Variants in KCNK2 observed in about 807,000 individuals in gnomAD.
KCNK2 encodes the protein potassium channel subfamily K member 2.
A neutral mutation model predicts 40.5 loss-of-function variants in KCNK2; 21 were observed. The observed-to-expected ratio is 0.52, with a 90% CI of 0.37 to 0.75. The LOEUF is 0.75. KCNK2 is among the 30% of genes least tolerant of loss of function. KCNK2 has a pLI of 0.00. For missense variants in KCNK2, 399 were observed against 531.6 expected, an observed-to-expected ratio of 0.75 and a Z score of 2.45; for synonymous variants, 191 against 202.2, an observed-to-expected ratio of 0.94 and a Z score of 0.47.
chr1:215,022,794 C>A (rs1656852657), intron 1 of KCNK2, among the ~76,000 whole-genome samples: 1 of 152,098 alleles, frequency 6.6e-6, no homozygotes, highest in South Asian at 2.1e-4. Context: ...CCCAGCTAAT[C>A]TTTATCTTGT....
At chr1:215,196,716 G>GGA (rs1291786727) in intron 6 of KCNK2, among the ~76,000 whole-genome samples, 1 of 151,558 alleles carries the variant, frequency 6.6e-6, no homozygotes, top group Non-Finnish European at 1.5e-5. Flanking sequence ...GTGGGAGATG[G>GGA]GAGAGAGAGA....
intron 1 of KCNK2, among the ~76,000 whole-genome samples, chr1:215,040,284 T>C (rs999709589): frequency 4.5e-4 from 69 of 152,282 alleles, no homozygotes; most frequent in African/African-American, 1.6e-3. Flanking sequence ...TTCTTAAATG[T>C]GTCCATAAGA....
At chr1:215,116,940 A>G (rs1057358423) in intron 2 of KCNK2, among the ~76,000 whole-genome samples, 3 of 152,016 alleles carry the variant, frequency 2.0e-5, no homozygotes, top group African/African-American at 7.2e-5. Flanking sequence ...TAAAATATGC[A>G]AAGTACTACT....
At chr1:215,082,600 G>C (rs1571890919), upstream of KCNK2, among the ~76,000 whole-genome samples, 2 of 152,212 alleles carry the variant, frequency 1.3e-5, no homozygotes, top group East Asian at 3.9e-4. Flanking sequence ...GAAGAGGGAA[G>C]AGAGGATCTT....
chr1:215,008,630 G>T (rs1451879113), intron 1 of KCNK2, among the ~76,000 whole-genome samples: 1 of 152,124 alleles, frequency 6.6e-6, no homozygotes, highest in Admixed American at 6.6e-5. Flanking sequence ...TTGGTAGATA[G>T]TAAGCATGCG....
At chr1:215,098,339 C>G (rs1660070277) in intron 2 of KCNK2, among the ~76,000 whole-genome samples, 1 of 151,868 alleles carries the variant, frequency 6.6e-6, no homozygotes, top group South Asian at 2.1e-4. Context: ...GGCAAAGAGT[C>G]ATGGTGACTC....
At chr1:215,163,902 C>G (rs1056686182) in intron 3 of KCNK2, among the ~76,000 whole-genome samples, 4 of 151,936 alleles carry the variant, frequency 2.6e-5, no homozygotes, top group African/African-American at 9.7e-5. Flanking sequence ...GTGTCTCTGC[C>G]AGGTTTTGTA....
intron 2 of KCNK2, among the ~76,000 whole-genome samples, chr1:215,095,003 TCAGA>T (rs778378388): frequency 8.5e-5 from 13 of 152,134 alleles, no homozygotes; most frequent in Non-Finnish European, 1.6e-4. Flanking sequence ...TAGAGCTCAG[TCAGA>T]CAGACAGTAT....
intron 6 of KCNK2, among the ~76,000 whole-genome samples, chr1:215,217,943 A>C (rs1416649): frequency 0.98 from 148,923 of 152,190 alleles, 72,957 homozygotes; most frequent in East Asian, 1. Flanking sequence ...CCTCAGTGAC[A>C]AGACTCTAAT....
chr1:215,172,014 G>T lies in KCNK2; in HGVS notation c.654G>T (p.Gln218His), dbSNP rs1663735260. 6.2e-7 allele frequency: 1 copy of T among 1,612,166 alleles called. No individual in the cohort carries two copies. Among genetic ancestry groups the T allele is most frequent in the Non-Finnish European group, 8.5e-7 (1 of 1,179,216 alleles). The change falls in exon 5 of 7, where the codon CAG becomes CAT. Residue 218 changes from glutamine to histidine, a missense_variant. Physicochemically the swap from Gln to His is conservative, Grantham distance 24. This residue lies in a region of KCNK2 where 279 missense variants were observed against 353.8 expected (regional missense o/e 0.79). Coordinates refer to ENST00000444842, the MANE Select transcript of KCNK2 (RefSeq NM_001017425.3). ...ATCCCTAGAAGTGGAATGTTAGTCA[G>T]ACCAAGATTCGCATCATCTCAACAA... ...EDTFIKWNVS[Q>H]TKIRIISTII...
intron 2 of KCNK2, among the ~76,000 whole-genome samples, chr1:215,099,085 G>A (rs1195182469): frequency 6.6e-6 from 1 of 151,922 alleles, no homozygotes; most frequent in South Asian, 2.1e-4. Flanking sequence ...CATCATGGGT[G>A]TTTGTTGCAC....
At chr1:215,151,828 G>T (rs1403925048) in intron 3 of KCNK2, among the ~76,000 whole-genome samples, 2 of 151,878 alleles carry the variant, frequency 1.3e-5, no homozygotes, top group Non-Finnish European at 2.9e-5. Context: ...TTGTAGTGTG[G>T]GGAATAAGAA....
chr1:215,105,145 A>G (rs1320393958), intron 2 of KCNK2, among the ~76,000 whole-genome samples: 1 of 152,132 alleles, frequency 6.6e-6, no homozygotes, highest in Non-Finnish European at 1.5e-5. Context: ...GCACTTCAGT[A>G]CCATTGACTA....
intron 3 of KCNK2, among the ~76,000 whole-genome samples, chr1:215,141,113 G>A (rs1456769468): frequency 6.6e-6 from 1 of 151,958 alleles, no homozygotes; most frequent in Non-Finnish European, 1.5e-5. Flanking sequence ...TTTCCCACTG[G>A]AAAGTCTTTA....
At chr1:215,021,456 T>C (rs61820011) in intron 1 of KCNK2, among the ~76,000 whole-genome samples, 1,516 of 116,012 alleles carry the variant, frequency 0.013, 26 homozygotes, top group South Asian at 0.082. Flanking sequence ...CAGGCACCTT[T>C]CTATTTGTTG....
chr1:215,173,160 C>T (rs1188029940), intron 5 of KCNK2, among the ~76,000 whole-genome samples: 2 of 152,094 alleles, frequency 1.3e-5, no homozygotes, highest in Non-Finnish European at 2.9e-5. Context: ...TGATGTTCCC[C>T]TTCCTGTGTC....
At chr1:215,019,253 C>T (rs1656703043) in intron 1 of KCNK2, among the ~76,000 whole-genome samples, 1 of 152,194 alleles carries the variant, frequency 6.6e-6, no homozygotes, top group African/African-American at 2.4e-5. Flanking sequence ...GATAAAATTG[C>T]TTACTATTAT....
At chr1:215,105,567 C>A (rs1660399827) in intron 2 of KCNK2, among the ~76,000 whole-genome samples, 1 of 151,900 alleles carries the variant, frequency 6.6e-6, no homozygotes, top group Admixed American at 6.6e-5. Flanking sequence ...GTTTTCAATT[C>A]TTTTATTTTT....
chr1:215,065,343 T>C (rs1453447806), intron 1 of KCNK2, among the ~76,000 whole-genome samples: 1 of 152,172 alleles, frequency 6.6e-6, no homozygotes, highest in Admixed American at 6.6e-5. Flanking sequence ...GAGAAATTTA[T>C]ATGCTCTTTA....
Sources: allele counts gnomAD v4.1 joint callset (sites outside exome capture counted in the v4.1 genomes callset), GRCh38; gene constraint gnomAD v4.1.1; regional missense constraint gnomAD v4.1.1; transcripts MANE v1.5; gene names NCBI Gene and HGNC (gene_info 2026-07-23, HGNC 2026-07-21).